Variants in CYP4F3 observed in about 807,000 individuals in gnomAD.
CYP4F3 encodes cytochrome P450 4F3.
In CYP4F3, 50 loss-of-function variants were observed where a neutral mutation model predicts 54.8. The observed-to-expected ratio is 0.91, with a 90% CI of 0.73 to 1.16. CYP4F3 has a LOEUF of 1.16. Ranked by LOEUF, CYP4F3 falls within the 50% of genes most tolerant of loss-of-function variation. The probability of loss-of-function intolerance (pLI) is 0.00; values close to 1 mark genes in which losing one functional copy is unlikely to be tolerated. For missense variants in CYP4F3, 715 were observed against 676.2 expected (o/e 1.06, Z -0.64); for synonymous variants, 244 against 262.6 (o/e 0.93, Z 0.69).
chr19:15,658,710 C>G lies in CYP4F3; in HGVS notation c.1315-17C>G. 6.2e-7 allele frequency: 1 copy of G among 1,613,878 alleles called. No individual in the cohort carries two copies. Among genetic ancestry groups the G allele is most frequent in the South Asian group, 1.1e-5 (1 of 91,060 alleles). On this transcript the variant is annotated splice_polypyrimidine_tract_variant and intron_variant, in intron 11 of 12. Coordinates refer to ENST00000221307, the MANE Select transcript of CYP4F3 (RefSeq NM_000896.3). Reference sequence around the variant, plus strand: ...TGGGAGACCCCACCCGGCAACCCTTCTTGGTCTCGCCTCCAGGTCTATGAC... The same window carrying G: ...TGGGAGACCCCACCCGGCAACCCTTGTTGGTCTCGCCTCCAGGTCTATGAC...
chr19:15,649,279 G>A lies in CYP4F3; in HGVS notation c.645G>A (p.Gln215=), dbSNP rs1972717441. 6.2e-7 allele frequency: 1 copy of A among 1,612,870 alleles called. No homozygotes were observed. The highest frequency in any genetic ancestry group is 1.3e-5 in the African/African-American group (1 of 74,858). ...KCVFSFDSHC[Q]EKPSEYIAAI... is the part of the protein sequence containing the mutation. ...TCTTCAGCTTTGACAGCCATTGCCA[G>A]GAGTAAGTTCTTGCCCAGGGTCTGG... The change falls in exon 6 of 13, where the codon CAG becomes CAA. Residue 215 remains glutamine, a splice_region_variant and synonymous_variant. Coordinates refer to ENST00000221307, the MANE Select transcript of CYP4F3 (RefSeq NM_000896.3).
rs28371510 is a variant in CYP4F3, at chr19:15,659,608, A to G, written c.*223A>G. On this transcript the variant is annotated 3_prime_UTR_variant, in exon 13 of 13. Transcript: ENST00000221307. ...CGATGAAAACAACCCCAAGCTATAT[A>G]TTACCAGATGAAAGGATAAACAAAA... 67 of 732,080 alleles carry G rather than the reference A, an allele frequency of 9.2e-5. No individual in the cohort carries two copies. The highest frequency in any genetic ancestry group is 7.5e-4 in the African/African-American group (41 of 54,810). The allele number at this position is 732,080 out of a possible 1,614,324, so 45.3% of individuals were successfully genotyped here. A position where few individuals can be genotyped will look rare whatever the true frequency, so the allele number is the denominator to read the frequency against.
chr19:15,659,974 G>A lies in CYP4F3; in HGVS notation c.*589G>A, dbSNP rs3087897. 91,022 of 152,094 alleles carry A rather than the reference G, an allele frequency of 0.6. 27,755 individuals carry two copies. The highest frequency in any genetic ancestry group is 0.71 in the East Asian group (3,636 of 5,156). The allele number at this position is 152,094 out of a possible 1,614,324, so 9.4% of individuals were successfully genotyped here. A position where few individuals can be genotyped will look rare whatever the true frequency, so the allele number is the denominator to read the frequency against. On this transcript the variant is annotated 3_prime_UTR_variant, in exon 13 of 13. Coordinates refer to ENST00000221307, the MANE Select transcript of CYP4F3 (RefSeq NM_000896.3). The stretch of plus-strand genomic sequence containing the variant: ...TGAGTGCACTAAATGCTATTGAATT[G>A]GACACTTTAGAATGGTTGAAATAGT...
intron 8 of CYP4F3, 77 bp from the exon 9 acceptor site, chr19:15,652,746 T>C (rs1171851797): frequency 1.6e-5 from 25 of 1,602,036 alleles, no homozygotes; most frequent in South Asian, 1.2e-4. Context: ...CTCCCTGAGG[T>C]CCTCAATGCA....
In CYP4F3 at chr19:15,650,110, G is replaced by T. The variant is rs761608733; in HGVS notation, c.845G>T (p.Gly282Val). The T allele has an allele frequency of 2.5e-6, 4 of 1,614,092 alleles. No homozygotes were observed. The highest frequency in any genetic ancestry group is 3.4e-6 in the Non-Finnish European group (4 of 1,180,052). The change falls in exon 7 of 13, where the codon GGT becomes GTT. Residue 282 changes from glycine (G) to valine (V), a missense_variant. Gly to Val is a moderately radical substitution (Grantham distance 109). Transcript: ENST00000221307. ...QERRRTLPSQ[G>V]VDDFLQAKAK... ...CGGCGCCGCACCCTCCCTAGCCAGG[G>T]TGTTGATGACTTCCTCCAAGCCAAG...
chr19:15,658,353 G>T lies in CYP4F3; in HGVS notation c.1205G>T (p.Cys402Phe), dbSNP rs1973084993. The change falls in exon 10 of 13, where the codon TGC (cysteine) becomes TTC (phenylalanine). Residue 402 changes from cysteine (C) to phenylalanine (F), a missense_variant. Cys to Phe is a radical substitution (Grantham distance 205, BLOSUM62 -2). Coordinates refer to ENST00000221307, the MANE Select transcript of CYP4F3 (RefSeq NM_000896.3). ...HPPVPAVSRC[C>F]TQDIVLPDGR... The stretch of plus-strand genomic sequence containing the variant: ...CCAGTCCCTGCCGTCTCTCGCTGCT[G>T]CACCCAAGACATTGTGCTCCCAGAC... 1.9e-6 allele frequency: 3 copies of T among 1,614,148 alleles called. No individual in the cohort carries two copies. The African/African-American group carries it at 4.0e-5, about 22-fold the overall frequency.
chr19:15,648,303 A>G lies in CYP4F3; in HGVS notation c.526-857A>G, dbSNP rs1014881456. On this transcript the variant is annotated intron_variant, in intron 5 of 12. Coordinates refer to ENST00000221307, the MANE Select transcript of CYP4F3 (RefSeq NM_000896.3). ...TTCTTCTCCAAGCCTCTCAAATCCC[A>G]TGGGCTGACACAAGTGGGCTTCTAT... is the stretch of plus-strand genomic sequence containing the variant. 2.6e-5 allele frequency among the ~76,000 whole-genome samples: 4 copies of G among 151,986 alleles called. No homozygotes were observed. The South Asian group carries it at 8.3e-4, about 32-fold the overall frequency.
intron 2 of CYP4F3, among the ~76,000 whole-genome samples, chr19:15,643,400 AGG>A (rs1180174629): frequency 7.1e-5 from 7 of 98,308 alleles, no homozygotes; most frequent in African/African-American, 3.2e-4. Context: ...AGATATATAT[AGG>A]TAAATAGATA....
intron 7 of CYP4F3, among the ~76,000 whole-genome samples, chr19:15,651,214 A>G (rs1972846193): frequency 1.5e-5 from 2 of 132,370 alleles, no homozygotes; most frequent in South Asian, 2.7e-4. Context: ...GTCTTTTTCT[A>G]TATCTATATT....
chr19:15,654,354 C>A (rs560358166), intron 9 of CYP4F3, among the ~76,000 whole-genome samples: 1 of 152,200 alleles, frequency 6.6e-6, no homozygotes, highest in African/African-American at 2.4e-5. Context: ...TATCCATTGC[C>A]TGAAATATTT....
Sources: gnomAD v4.1 joint callset for allele counts (sites outside exome capture counted in the v4.1 genomes callset) on GRCh38, gnomAD v4.1.1 for gene constraint, MANE v1.5 for transcripts, NCBI Gene and HGNC (gene_info 2026-07-23, HGNC 2026-07-21) for gene names.